The following DYNC1H1 variants were observed in gnomAD, a reference collection of about 807,000 sequenced individuals.
DYNC1H1 encodes the protein cytoplasmic dynein 1 heavy chain 1.
In DYNC1H1, 51 loss-of-function variants were observed where a neutral mutation model predicts 527.1. The observed-to-expected ratio is 0.10, with a 90% CI of 0.08 to 0.12. The LOEUF is 0.12. DYNC1H1 is among the 10% of genes least tolerant of loss of function. DYNC1H1 has a pLI of 1.00. For missense variants in DYNC1H1, 2,771 were observed against 5,971.8 expected (o/e 0.46, Z 17.66); for synonymous variants, 2,189 against 2,278.8 (o/e 0.96, Z 1.12).
intron 2 of DYNC1H1, among the ~76,000 whole-genome samples, chr14:101,978,762 G>A (rs1341656275): frequency 6.6e-6 from 1 of 152,182 alleles, no homozygotes; most frequent in African/African-American, 2.4e-5. Context: ...CACAGAAGAG[G>A]TCACACTGGA....
At chr14:101,982,936 T>A in intron 5 of DYNC1H1, 83 bp from the exon 6 acceptor site, 1 of 1,517,418 alleles carries the variant, frequency 6.6e-7, no homozygotes, top group Non-Finnish European at 9.1e-7. Context: ...AACATCAAAA[T>A]GTTCCATTGT....
chr14:102,038,151 G>A lies in DYNC1H1; in HGVS notation c.10909-309G>A, dbSNP rs1041513629. ...TGCCATACACCCCCAGCTAACTTTC[G>A]TATTTTTAGTAGAGATGGAGTTTCA... On this transcript the variant is annotated intron_variant, in intron 57 of 77. Transcript: ENST00000360184. The surrounding 1 kb of genome is among the most constrained non-coding windows in gnomAD (Gnocchi z 7.2). The A allele has an allele frequency of 2.3e-5, 9 of 396,836 alleles. No individual in the cohort carries two copies. Among genetic ancestry groups the A allele is most frequent in the Admixed American group, 7.1e-5 (2 of 28,016 alleles). The allele number at this position is 396,836 out of a possible 1,614,324, so 24.6% of individuals were successfully genotyped here.
chr14:101,973,722 T>G (rs1366949070), intron 1 of DYNC1H1, among the ~76,000 whole-genome samples: 2 of 152,174 alleles, frequency 1.3e-5, no homozygotes, highest in African/African-American at 4.8e-5. Flanking sequence ...GAGGATCTCT[T>G]GAACCCAGAA....
intron 1 of DYNC1H1, among the ~76,000 whole-genome samples, chr14:101,968,970 G>T (rs1443777971): frequency 6.6e-6 from 1 of 152,156 alleles, no homozygotes; most frequent in Admixed American, 6.5e-5. Context: ...ATGTTTTCTG[G>T]TTAAGTGGAA....
intron 34 of DYNC1H1, among the ~76,000 whole-genome samples, chr14:102,014,608 G>C (rs1236933467): frequency 6.6e-6 from 1 of 151,934 alleles, no homozygotes; most frequent in African/African-American, 2.4e-5. Flanking sequence ...TCCACGCCCG[G>C]TGCGCACCCA....
At chr14:102,043,429 G>A (rs965799606) in intron 69 of DYNC1H1, 8 of 303,318 alleles carry the variant, frequency 2.6e-5, no homozygotes, top group South Asian at 9.2e-5. Context: ...AGATGCCCAC[G>A]GAGAAGCTGG....
At chr14:101,967,190 A>T (rs1464408160) in intron 1 of DYNC1H1, among the ~76,000 whole-genome samples, 2 of 152,156 alleles carry the variant, frequency 1.3e-5, no homozygotes, top group Non-Finnish European at 1.5e-5. Context: ...GTAGAGACCC[A>T]GGACTTTTGG....
At position 102,018,082 on chromosome 14, in the gene DYNC1H1, G is replaced by A. The variant is rs1419577213; in HGVS notation, c.8178-369G>A. ...GATCGCACCACTGCACTCCAGCCTG[G>A]GCAACAGAGCAAGACTCCATCTCAA... On this transcript the variant is annotated intron_variant, in intron 40 of 77. Transcript: ENST00000360184. The surrounding 1 kb of genome is among the most constrained non-coding windows in gnomAD (Gnocchi z 5.2). 1 of 250,686 alleles carries A rather than the reference G, an allele frequency of 4.0e-6. No individual in the cohort carries two copies. The highest frequency in any genetic ancestry group is 5.1e-5 in the Admixed American group (1 of 19,580). 15.5% of individuals were successfully genotyped at this position (250,686 alleles called of 1,614,324 possible). A position where few individuals can be genotyped will look rare whatever the true frequency, so the allele number is the denominator to read the frequency against.
chr14:101,978,164 C>G (rs996191772), intron 2 of DYNC1H1, among the ~76,000 whole-genome samples: 2 of 152,334 alleles, frequency 1.3e-5, no homozygotes, highest in South Asian at 2.1e-4. Flanking sequence ...AAGTGATTCT[C>G]CATCAACCTC....
At position 102,003,095 on chromosome 14, in the gene DYNC1H1, A is replaced by G. The variant is rs116787102; in HGVS notation, c.4883+130A>G. On this transcript the variant is annotated intron_variant, in intron 23 of 77. Transcript: ENST00000360184. Reference sequence around the variant, plus strand: ...ATCAAGGATTTTGTTAGCCAATAATACATATAATGATTACCATTCCCTTCC... The same window carrying G: ...ATCAAGGATTTTGTTAGCCAATAATGCATATAATGATTACCATTCCCTTCC... The G allele has an allele frequency of 4.9e-4, 595 of 1,206,712 alleles. 5 individuals carry two copies. The African/African-American group carries it at 8.0e-3, about 16-fold the overall frequency. The allele number at this position is 1,206,712 out of a possible 1,614,324, so 74.8% of individuals were successfully genotyped here. A position where few individuals can be genotyped will look rare whatever the true frequency, so the allele number is the denominator to read the frequency against.
chr14:102,040,377 T>G lies in DYNC1H1; in HGVS notation c.11832T>G (p.Phe3944Leu). ...AVVRLSCLPA[F>L]KDLIAKVQAD... ...TGAGGCTGAGCTGCCTTCCCGCGTT[T>G]AAGGACTTGATTGCAAAGGTTCAGG... Residue 3944 changes from phenylalanine to leucine, a missense_variant, in exon 63 of 78, where the codon TTT becomes TTG. By Grantham distance (22) the Phe-to-Leu change is conservative. This residue lies in a region of DYNC1H1 where 120 missense variants were observed against 161.9 expected (regional missense o/e 0.74). Transcript: ENST00000360184. 6.2e-7 allele frequency: 1 copy of G among 1,614,222 alleles called. No homozygotes were observed. The highest frequency in any genetic ancestry group is 8.5e-7 in the Non-Finnish European group (1 of 1,180,038).
Position 102,017,586 on chromosome 14 carries a change from T to C in DYNC1H1, c.8177+82T>C. On this transcript the variant is annotated intron_variant, in intron 40 of 77. Coordinates refer to ENST00000360184, the MANE Select transcript of DYNC1H1 (RefSeq NM_001376.5). This position sits in a 1 kb window ranked among gnomAD's most constrained non-coding sequence, Gnocchi z 4.6. The stretch of plus-strand genomic sequence containing the variant: ...TAAACACAGCGCCACAAAAACCTGG[T>C]TTTGATAATAAAGACAACAATACTG... 1 of 1,610,912 alleles carries C rather than the reference T, an allele frequency of 6.2e-7. No individual in the cohort carries two copies. The highest frequency in any genetic ancestry group is 8.5e-7 in the Non-Finnish European group (1 of 1,177,462).
chr14:101,965,025 A>G lies in DYNC1H1; in HGVS notation c.256+78A>G. ...GGCCTGCCAGGTCCTCCGGGGTCGC[A>G]GATGTCCCCGGGATGGGAGGAGCCC... On this transcript the variant is annotated intron_variant, in intron 1 of 77. Transcript: ENST00000360184. The surrounding 1 kb of genome is among the most constrained non-coding windows in gnomAD (Gnocchi z 4.1). 1 of 1,463,284 alleles carries G rather than the reference A, an allele frequency of 6.8e-7. No individual in the cohort carries two copies. The highest frequency in any genetic ancestry group is 1.2e-5 in the South Asian group (1 of 80,256). 90.6% of individuals were successfully genotyped at this position (1,463,284 alleles called of 1,614,324 possible).
At chr14:102,040,701 G>A (rs773205737) in intron 64 of DYNC1H1, 28 bp downstream of exon 64, 2 of 1,613,640 alleles carry the variant, frequency 1.2e-6, no homozygotes, top group Non-Finnish European at 1.7e-6. Flanking sequence ...TTTCTTTCTG[G>A]ACCTGAATGT....
chr14:101,966,156 C>T (rs2047665497), intron 1 of DYNC1H1, among the ~76,000 whole-genome samples: 1 of 152,222 alleles, frequency 6.6e-6, no homozygotes, highest in Non-Finnish European at 1.5e-5. Flanking sequence ...GTACTGTCTG[C>T]CCCATCCTTA....
In DYNC1H1 at chr14:102,017,191, C is replaced by T. The variant is rs2048333427; in HGVS notation, c.7952C>T (p.Ala2651Val). 6.2e-7 allele frequency: 1 copy of T among 1,614,114 alleles called. No homozygotes were observed. The highest frequency in any genetic ancestry group is 1.3e-5 in the African/African-American group (1 of 74,940). The change falls in exon 39 of 78, where the codon GCT becomes GTT. Residue 2651 changes from alanine to valine, a missense_variant. By Grantham distance (64) the Ala-to-Val change is moderately conservative. Transcript: ENST00000360184. The surrounding 1 kb of genome is among the most constrained non-coding windows in gnomAD (Gnocchi z 4.6). ...YRRTPNGVVL[A>V]PVQLGKWLVL... ...CGCACACCTAATGGGGTGGTTTTGG[C>T]TCCTGTTCAACTTGGAAAGTGGCTG...
Position 102,005,444 on chromosome 14 carries a change from C to T in DYNC1H1, c.5433+208C>T, listed in dbSNP as rs1473754603. Among the ~76,000 whole-genome samples, 2 of 152,212 alleles carry T rather than the reference C, an allele frequency of 1.3e-5. No individual in the cohort carries two copies. The highest frequency in any genetic ancestry group is 4.8e-5 in the African/African-American group (2 of 41,454). ...GGCATGCAGGGGTTACGCGACATCA[C>T]GGTAGAGAGGAAGGGATCAACCTTG... On this transcript the variant is annotated intron_variant, in intron 26 of 77. Transcript: ENST00000360184. This position sits in a 1 kb window ranked among gnomAD's most constrained non-coding sequence, Gnocchi z 4.0.
chr14:101,991,425 A>ATT lies in DYNC1H1; in HGVS notation c.2869-101_2869-100dup, dbSNP rs1277650532. 19 of 1,450,810 alleles carry ATT rather than the reference A, an allele frequency of 1.3e-5. No individual in the cohort carries two copies. The East Asian group carries it at 3.6e-4, about 28-fold the overall frequency. 89.9% of individuals were successfully genotyped at this position (1,450,810 alleles called of 1,614,324 possible). A position where few individuals can be genotyped will look rare whatever the true frequency, so the allele number is the denominator to read the frequency against. On this transcript the variant is annotated intron_variant, in intron 10 of 77. Coordinates refer to ENST00000360184, the MANE Select transcript of DYNC1H1 (RefSeq NM_001376.5). ...GGTTACAGTGAGCCAAGGTTGTGCC[A>ATT]TTACACTGCAGCCTGGGCAGTAAGA...
In DYNC1H1 at chr14:102,011,059, G is replaced by C. The variant is rs1323224459; in HGVS notation, c.6618+107G>C. On this transcript the variant is annotated intron_variant, in intron 32 of 77. Transcript: ENST00000360184. This position sits in a 1 kb window ranked among gnomAD's most constrained non-coding sequence, Gnocchi z 5.3. ...CGATGAAACTGTCCACAAAGGCTGT[G>C]GAGGTGCATAATATGCTTTATGAAG... is the stretch of plus-strand genomic sequence containing the variant. 8.3e-7 allele frequency: 1 copy of C among 1,200,180 alleles called. No individual in the cohort carries two copies. The highest frequency in any genetic ancestry group is 1.2e-6 in the Non-Finnish European group (1 of 809,138). 74.3% of individuals were successfully genotyped at this position (1,200,180 alleles called of 1,614,324 possible). A position where few individuals can be genotyped will look rare whatever the true frequency, so the allele number is the denominator to read the frequency against.
Sources: gnomAD v4.1 joint callset for allele counts (sites outside exome capture counted in the v4.1 genomes callset) on GRCh38, gnomAD v4.1.1 for gene constraint, gnomAD v4.1.1 regional missense constraint, Gnocchi (gnomAD v3.1) non-coding constraint, MANE v1.5 for transcripts, NCBI Gene and HGNC (gene_info 2026-07-23, HGNC 2026-07-21) for gene names.